PLCB1: variants seen among roughly 807,000 people sequenced by gnomAD.
PLCB1 encodes phospholipase C beta 1, also known as 1-phosphatidylinositol 4,5-bisphosphate phosphodiesterase beta-1.
PLCB1 carries 46 observed loss-of-function variants against 161.8 expected under a neutral mutation model. The observed-to-expected ratio is 0.28, with a 90% CI of 0.22 to 0.36. PLCB1 has a LOEUF of 0.36. Among genes scored for constraint, PLCB1 ranks in the 10% least tolerant of loss-of-function variants. The pLI is 1.00. For synonymous variants in PLCB1, 517 were observed against 503.7 expected (o/e 1.03, Z -0.35); for missense variants, 1,016 against 1,472.5 (o/e 0.69, Z 5.07).
intron 3 of PLCB1, among the ~76,000 whole-genome samples, chr20:8,441,884 A>T (rs1980576225): frequency 6.6e-6 from 1 of 152,238 alleles, no homozygotes; most frequent in Admixed American, 6.5e-5. Context: ...TATAACTGTT[A>T]CATAGTTAAT....
intron 2 of PLCB1, among the ~76,000 whole-genome samples, chr20:8,362,726 T>A (rs1270797517): frequency 6.6e-6 from 1 of 152,236 alleles, no homozygotes; most frequent in Non-Finnish European, 1.5e-5. Flanking sequence ...ATAGTTCACA[T>A]TGCCTTGTGC....
chr20:8,672,740 A>T (rs1989980100), intron 9 of PLCB1, among the ~76,000 whole-genome samples: 1 of 152,148 alleles, frequency 6.6e-6, no homozygotes, highest in African/African-American at 2.4e-5. Context: ...TGAGAGAATT[A>T]CGTGCTGAGG....
At chr20:8,853,990 T>C (rs1401045186) in intron 31 of PLCB1, among the ~76,000 whole-genome samples, 2 of 152,150 alleles carry the variant, frequency 1.3e-5, no homozygotes, top group African/African-American at 4.8e-5. Flanking sequence ...CCACAATGCT[T>C]GACATTGCCA....
At chr20:8,256,644 T>C (rs1214066951) in intron 2 of PLCB1, 1 of 151,944 alleles carries the variant, frequency 6.6e-6, no homozygotes, top group Non-Finnish European at 1.5e-5. Flanking sequence ...AGGCAAAAGG[T>C]AGAGAAAAAA....
intron 2 of PLCB1, among the ~76,000 whole-genome samples, chr20:8,353,674 G>T (rs945407248): frequency 7.2e-5 from 11 of 151,910 alleles, no homozygotes; most frequent in Non-Finnish European, 1.3e-4. Context: ...CCATATTAAG[G>T]GATATTCTAG....
intron 16 of PLCB1, 29 bp from the exon 17 acceptor site, chr20:8,727,280 C>CT (rs1568574895): frequency 8.4e-7 from 1 of 1,191,790 alleles, no homozygotes; most frequent in South Asian, 1.3e-5. Flanking sequence ...TCACCTTCCC[C>CT]TTTTTTGTTT....
intron 4 of PLCB1, among the ~76,000 whole-genome samples, chr20:8,631,836 T>C (rs951624952): frequency 6.6e-6 from 1 of 152,162 alleles, no homozygotes; most frequent in East Asian, 1.9e-4. Context: ...TTTGGATGTC[T>C]CCAGGTTCCA....
At chr20:8,682,856 G>A (rs992170637) in intron 9 of PLCB1, among the ~76,000 whole-genome samples, 67 of 152,170 alleles carry the variant, frequency 4.4e-4, no homozygotes, top group Non-Finnish European at 8.7e-4. Context: ...AGTATGCGAA[G>A]TCTTTGAATC....
chr20:8,541,286 C>T (rs1985304953), intron 3 of PLCB1, among the ~76,000 whole-genome samples: 1 of 152,146 alleles, frequency 6.6e-6, no homozygotes, highest in Non-Finnish European at 1.5e-5. Flanking sequence ...GCTTTGAATG[C>T]TATTCCAAGA....
At chr20:8,738,636 G>A (rs912780852) in intron 20 of PLCB1, among the ~76,000 whole-genome samples, 1 of 151,908 alleles carries the variant, frequency 6.6e-6, no homozygotes, top group Non-Finnish European at 1.5e-5. Context: ...AACTCTTTTT[G>A]TTGAAAGATA....
chr20:8,657,371 A>T (rs1175437437), intron 8 of PLCB1, 87 bp downstream of exon 8: 1 of 786,764 alleles, frequency 1.3e-6, no homozygotes, highest in African/African-American at 1.7e-5. Context: ...GTAATTGGAG[A>T]TGGAAGAACA....
intron 3 of PLCB1, among the ~76,000 whole-genome samples, chr20:8,542,218 C>T (rs373526824): frequency 1.8e-4 from 28 of 152,138 alleles, no homozygotes; most frequent in East Asian, 9.6e-4. Context: ...ACGTGTGAAC[C>T]GTGCTCTGCT....
Position 8,304,017 on chromosome 20 carries a change from A to T in PLCB1, c.178-67365A>T, listed in dbSNP as rs199571854. On this transcript the variant is annotated intron_variant, in intron 2 of 31. Transcript: ENST00000338037. The stretch of plus-strand genomic sequence containing the variant: ...GCATTTCTTGCTGTTTTCTTGAAAG[A>T]TCATCTCAGACTAAGAAGTGAGCAA... Among the ~76,000 whole-genome samples, 6 of 152,202 alleles carry T rather than the reference A, an allele frequency of 3.9e-5. No individual in the cohort carries two copies. In the East Asian group the frequency reaches 9.6e-4, roughly 24 times the overall value.
In PLCB1 at chr20:8,230,684, T is replaced by A. The variant is rs149748932; in HGVS notation, c.177+80313T>A. ...AATTAAACTTAAAGTTTAAAAATCATTTAAAGTTCAAAAATTATTTTCCCA... is the reference window on the plus strand; with the variant it reads ...AATTAAACTTAAAGTTTAAAAATCAATTAAAGTTCAAAAATTATTTTCCCA... On this transcript the variant is annotated intron_variant, in intron 2 of 31. Transcript: ENST00000338037. Among the ~76,000 whole-genome samples the A allele has an allele frequency of 8.0e-3, 1,222 of 152,224 alleles. 12 individuals carry two copies. Among genetic ancestry groups the A allele is most frequent in the Non-Finnish European group, 0.012 (794 of 68,008 alleles).
intron 3 of PLCB1, among the ~76,000 whole-genome samples, chr20:8,595,287 T>C (rs2123121290): frequency 7.3e-6 from 1 of 137,804 alleles, no homozygotes; most frequent in African/African-American, 2.7e-5. Context: ...AGTGTGATAT[T>C]CCGCTTCCTG....
chr20:8,718,412 A>G (rs2123470272), intron 14 of PLCB1, among the ~76,000 whole-genome samples: 1 of 152,326 alleles, frequency 6.6e-6, no homozygotes, highest in African/African-American at 2.4e-5. Context: ...TCCAGGTGTC[A>G]GCCGGGCTGT....
chr20:8,615,146 G>A (rs1275523142), intron 3 of PLCB1, among the ~76,000 whole-genome samples: 1 of 152,080 alleles, frequency 6.6e-6, no homozygotes, highest in Non-Finnish European at 1.5e-5. Flanking sequence ...CATAAGCATT[G>A]TATCTTATTC....
intron 2 of PLCB1, among the ~76,000 whole-genome samples, chr20:8,212,972 T>G (rs6055657): frequency 0.026 from 3,954 of 152,200 alleles, 191 homozygotes; most frequent in African/African-American, 0.088. Flanking sequence ...AGTTTCTTCC[T>G]TCCTGAGTTC....
intron 3 of PLCB1, among the ~76,000 whole-genome samples, chr20:8,627,470 T>C (rs986381987): frequency 6.6e-6 from 1 of 152,194 alleles, no homozygotes; most frequent in Non-Finnish European, 1.5e-5. Flanking sequence ...TACTCCTGGC[T>C]CAGAAGCTGG....
Sources: gnomAD v4.1 joint callset for allele counts (sites outside exome capture counted in the v4.1 genomes callset) on GRCh38, gnomAD v4.1.1 for gene constraint, MANE v1.5 for transcripts, NCBI Gene and HGNC (gene_info 2026-07-23, HGNC 2026-07-21) for gene names.